PACRG: variants seen among roughly 807,000 people sequenced by gnomAD.
PACRG encodes the protein parkin coregulated.
In PACRG, 29 loss-of-function variants were observed where a neutral mutation model predicts 29.7. The observed-to-expected ratio is 0.98, with a 90% CI of 0.73 to 1.33. The LOEUF is 1.33. Among genes scored for constraint, PACRG ranks in the 40% most tolerant of loss-of-function variants. PACRG has a pLI of 0.00. For missense variants in PACRG, 279 were observed against 316.2 expected, an observed-to-expected ratio of 0.88 and a Z score of 0.89; for synonymous variants, 116 against 118.7, an observed-to-expected ratio of 0.98 and a Z score of 0.15.
intron 4 of PACRG, chr6:163,313,767 T>C (rs1785534595): frequency 6.6e-6 from 1 of 152,278 alleles, no homozygotes; most frequent in Non-Finnish European, 1.5e-5. Context: ...CTGTGTACTT[T>C]CCTTCCACCA....
intron 4 of PACRG, among the ~76,000 whole-genome samples, chr6:163,306,639 G>A (rs1785206320): frequency 6.6e-6 from 1 of 152,166 alleles, no homozygotes; most frequent in Admixed American, 6.5e-5. Flanking sequence ...ATTTTGCACA[G>A]TGCTCTCTTA....
At chr6:162,762,207 A>T (rs561207347) in intron 1 of PACRG, among the ~76,000 whole-genome samples, 1 of 152,290 alleles carries the variant, frequency 6.6e-6, no homozygotes, top group African/African-American at 2.4e-5. Flanking sequence ...CTTAATCCTG[A>T]TGGGGAGCTT....
chr6:163,074,862 C>T (rs531611573), intron 3 of PACRG, among the ~76,000 whole-genome samples: 12 of 152,048 alleles, frequency 7.9e-5, no homozygotes, highest in East Asian at 3.9e-4. Flanking sequence ...GTGGTGATGC[C>T]GCCTGTAGTC....
chr6:162,809,928 C>CCAGTG (rs1562619460), intron 1 of PACRG, among the ~76,000 whole-genome samples: 1 of 152,194 alleles, frequency 6.6e-6, no homozygotes, highest in Non-Finnish European at 1.5e-5. Flanking sequence ...GGAGACCTCA[C>CCAGTG]GAGGAGCTTG....
Position 162,879,348 on chromosome 6 carries a change from G to T in PACRG, c.291+65067G>T, listed in dbSNP as rs902734004. The stretch of plus-strand genomic sequence containing the variant: ...CCATGTAACTCCCCTTCTTGCTCAA[G>T]AAATTCAGTTTTAAAAGTTAATTAT... On this transcript the variant is annotated intron_variant, in intron 2 of 4. Coordinates refer to ENST00000366888, the MANE Select transcript of PACRG (RefSeq NM_001080379.2). 2.0e-5 allele frequency among the ~76,000 whole-genome samples: 3 copies of T among 152,136 alleles called. No homozygotes were observed. In the South Asian group the frequency reaches 6.2e-4, roughly 31 times the overall value.
intron 4 of PACRG, among the ~76,000 whole-genome samples, chr6:163,212,504 G>T (rs1485170487): frequency 6.6e-6 from 1 of 152,180 alleles, no homozygotes; most frequent in Non-Finnish European, 1.5e-5. Context: ...AATGCTTAAA[G>T]AGCAAAGGAG....
At chr6:162,907,782 G>A (rs1309281768) in intron 2 of PACRG, among the ~76,000 whole-genome samples, 1 of 152,086 alleles carries the variant, frequency 6.6e-6, no homozygotes, top group Non-Finnish European at 1.5e-5. Context: ...TATTTTGAAA[G>A]CAAGTCCTAA....
intron 3 of PACRG, among the ~76,000 whole-genome samples, chr6:163,083,637 T>G (rs1813279102): frequency 6.6e-6 from 1 of 152,188 alleles, no homozygotes; most frequent in South Asian, 2.1e-4. Context: ...AAATGTTCAT[T>G]TTTATGTATT....
chr6:163,066,590 A>C (rs998745880), intron 3 of PACRG, among the ~76,000 whole-genome samples: 1 of 152,252 alleles, frequency 6.6e-6, no homozygotes, highest in Non-Finnish European at 1.5e-5. Context: ...CTACACCCTC[A>C]AAGTCAATGC....
Position 162,844,551 on chromosome 6 carries a change from G to T in PACRG, c.291+30270G>T, listed in dbSNP as rs574067012. Among the ~76,000 whole-genome samples the T allele has an allele frequency of 1.4e-4, 22 of 152,324 alleles. No homozygotes were observed. In the East Asian group the frequency reaches 3.5e-3, roughly 24 times the overall value. Reference sequence around the variant, plus strand: ...TCCGATGGAAATGCAGAAATCACCCGTCTTCTGCGTCGCTCACGCTGGGAG... The same window carrying T: ...TCCGATGGAAATGCAGAAATCACCCTTCTTCTGCGTCGCTCACGCTGGGAG... On this transcript the variant is annotated intron_variant, in intron 2 of 4. Transcript: ENST00000366888.
At chr6:162,914,206 A>G (rs1796522287) in intron 2 of PACRG, among the ~76,000 whole-genome samples, 1 of 152,138 alleles carries the variant, frequency 6.6e-6, no homozygotes, top group South Asian at 2.1e-4. Flanking sequence ...ATCTAGTCCT[A>G]TGATCAATTT....
chr6:163,186,777 TCCTCTCCACCG>T (rs1252205533), intron 4 of PACRG, among the ~76,000 whole-genome samples: 1 of 152,234 alleles, frequency 6.6e-6, no homozygotes, highest in Non-Finnish European at 1.5e-5. Context: ...AGCATGCATT[TCCTCTCCACCG>T]CTCTGCTCCC....
intron 2 of PACRG, among the ~76,000 whole-genome samples, chr6:162,860,216 T>C (rs1791749942): frequency 6.6e-6 from 1 of 152,200 alleles, no homozygotes; most frequent in African/African-American, 2.4e-5. Flanking sequence ...GAAAACATTC[T>C]TGTAACAGGG....
rs1562765820 is a variant in PACRG at position 162,947,361 on chromosome 6, TGTA to T, written c.292-114788_292-114786del. The stretch of plus-strand genomic sequence containing the variant: ...ATATATAATGATTACATATATATAA[TGTA>T]ATCATATATAATCATATATATAATC... On this transcript the variant is annotated intron_variant, in intron 2 of 4. Transcript: ENST00000366888. Among the ~76,000 whole-genome samples the T allele has an allele frequency of 6.2e-3, 23 of 3,726 alleles. 2 individuals carry two copies. Among genetic ancestry groups the T allele is most frequent in the Admixed American group, 0.06 (15 of 248 alleles). 2.4% of individuals were successfully genotyped at this position (3,726 alleles called of 152,430 possible).
intron 1 of PACRG, among the ~76,000 whole-genome samples, chr6:162,751,909 A>G (rs1781540747): frequency 6.6e-6 from 1 of 152,184 alleles, no homozygotes. Flanking sequence ...AGTCTTCTGT[A>G]TCGATCTGAC....
At chr6:162,744,034 T>C (rs913695332) in intron 1 of PACRG, among the ~76,000 whole-genome samples, 1 of 152,206 alleles carries the variant, frequency 6.6e-6, no homozygotes, top group Non-Finnish European at 1.5e-5. Flanking sequence ...GGTTGTTACT[T>C]ATGAGGAATT....
chr6:163,297,349 G>A (rs1337539648), intron 4 of PACRG, among the ~76,000 whole-genome samples: 2 of 152,210 alleles, frequency 1.3e-5, no homozygotes, highest in African/African-American at 2.4e-5. Context: ...GGAGGCTCGT[G>A]TTGCAGCTGT....
chr6:162,945,668 T>A (rs906454889), intron 2 of PACRG, among the ~76,000 whole-genome samples: 1 of 152,088 alleles, frequency 6.6e-6, no homozygotes, highest in African/African-American at 2.4e-5. Flanking sequence ...ATTTATAGAA[T>A]ATTTGAACTG....
chr6:163,151,037 G>A (rs1188145210), intron 4 of PACRG, among the ~76,000 whole-genome samples: 2 of 152,258 alleles, frequency 1.3e-5, no homozygotes, highest in African/African-American at 4.8e-5. Flanking sequence ...GGAACCATAA[G>A]TAAACAATGG....
Sources: gnomAD v4.1 joint callset for allele counts (sites outside exome capture counted in the v4.1 genomes callset) on GRCh38, gnomAD v4.1.1 for gene constraint, MANE v1.5 for transcripts, NCBI Gene and HGNC (gene_info 2026-07-23, HGNC 2026-07-21) for gene names.